ARK2N: variants seen among roughly 807,000 people sequenced by gnomAD.
ARK2N encodes arkadia (RNF111) N-terminal like PKA signaling regulator 2N.
At chr18:46,194,275 C>G in the ARK2N span, among the ~76,000 whole-genome samples, 286 of 151,244 alleles carry the variant, frequency 1.9e-3, 2 homozygotes, top group Middle Eastern at 0.021. Flanking sequence ...TGATTTTTCC[C>G]ATGTCTTTCC....
At chr18:46,259,774 G>C in the ARK2N span, among the ~76,000 whole-genome samples, 1 of 124,082 alleles carries the variant, frequency 8.1e-6, no homozygotes, top group Admixed American at 7.8e-5. Context: ...CCCAGCTACT[G>C]TGTGTGTGTG....
the ARK2N span, chr18:46,265,675 C>T: frequency 6.6e-6 from 1 of 152,524 alleles, no homozygotes. Context: ...TGTGTTTCAA[C>T]TCTCTTTTCA....
chr18:46,265,219 G>A, the ARK2N span: 1 of 152,698 alleles, frequency 6.5e-6, no homozygotes, highest in South Asian at 2.1e-4. Context: ...AGAGAATAGA[G>A]TGGATGATGT....
chr18:46,212,323 TCTC>T, the ARK2N span, among the ~76,000 whole-genome samples: 7 of 152,222 alleles, frequency 4.6e-5, no homozygotes, highest in Non-Finnish European at 8.8e-5. Context: ...CACACTGTCT[TCTC>T]CTGTTCCCTT....
At chr18:46,189,212 CAAAA>C in the ARK2N span, among the ~76,000 whole-genome samples, 30 of 86,858 alleles carry the variant, frequency 3.5e-4, no homozygotes, top group African/African-American at 4.3e-4. Context: ...GAGACTGTCT[CAAAA>C]AAAAAAAAAA....
At chr18:46,182,133 C>CT in the ARK2N span, among the ~76,000 whole-genome samples, 1 of 152,140 alleles carries the variant, frequency 6.6e-6, no homozygotes, top group African/African-American at 2.4e-5. Flanking sequence ...GATTGTTTTT[C>CT]TTTCTGTATT....
the ARK2N span, among the ~76,000 whole-genome samples, chr18:46,191,807 G>A: frequency 1.3e-3 from 192 of 152,262 alleles, 1 homozygote; most frequent in Middle Eastern, 0.031. Context: ...AAAATCCTCT[G>A]TGCTCGGCCT....
At chr18:46,226,756 G>A in the ARK2N span, among the ~76,000 whole-genome samples, 1 of 150,922 alleles carries the variant, frequency 6.6e-6, no homozygotes, top group African/African-American at 2.4e-5. Context: ...GAATTTGTAA[G>A]TTTGCTGACA....
chr18:46,197,526 GC>G, the ARK2N span, among the ~76,000 whole-genome samples: 1 of 152,108 alleles, frequency 6.6e-6, no homozygotes, highest in Non-Finnish European at 1.5e-5. Context: ...GAGCCACCAC[GC>G]CTAGCCAAAG....
chr18:46,246,755 C>T, the ARK2N span, among the ~76,000 whole-genome samples: 2 of 140,652 alleles, frequency 1.4e-5, no homozygotes, highest in Admixed American at 1.4e-4. Flanking sequence ...CCAGCCTTAC[C>T]AACATGGCCA....
chr18:46,198,468 TCTACCTTTCACCTTC>T, the ARK2N span, among the ~76,000 whole-genome samples: 1 of 152,196 alleles, frequency 6.6e-6, no homozygotes, highest in African/African-American at 2.4e-5. Context: ...ATTTTGATTC[TCTACCTTTCACCTTC>T]CTACTTTTCA....
At chr18:46,219,238 C>G in the ARK2N span, 5 of 152,036 alleles carry the variant, frequency 3.3e-5, no homozygotes, top group African/African-American at 1.2e-4. Context: ...AACTGACAGG[C>G]AGCTTAGTAT....
chr18:46,194,774 T>TTTTC, the ARK2N span, among the ~76,000 whole-genome samples: 1 of 148,992 alleles, frequency 6.7e-6, no homozygotes, highest in Non-Finnish European at 1.5e-5. Context: ...GCGACCGGAT[T>TTTTC]CTTGTTTTTA....
At chr18:46,215,651 T>C in the ARK2N span, among the ~76,000 whole-genome samples, 1 of 152,144 alleles carries the variant, frequency 6.6e-6, no homozygotes, top group Admixed American at 6.5e-5. Context: ...ATTAAGTCCT[T>C]TGAATTTGAC....
chr18:46,223,151 G>A, the ARK2N span, among the ~76,000 whole-genome samples: 3 of 152,300 alleles, frequency 2.0e-5, no homozygotes, highest in Middle Eastern at 6.8e-3. Flanking sequence ...GGAGCCATCC[G>A]ATTTCCTGTC....
At chr18:46,252,011 G>A in the ARK2N span, among the ~76,000 whole-genome samples, 2 of 151,992 alleles carry the variant, frequency 1.3e-5, no homozygotes, top group Non-Finnish European at 2.9e-5. Flanking sequence ...TGGCCAACGT[G>A]ACGAAACCCC....
At chr18:46,204,922 C>CT in the ARK2N span, among the ~76,000 whole-genome samples, 1 of 73,270 alleles carries the variant, frequency 1.4e-5, no homozygotes, top group Non-Finnish European at 3.3e-5. Flanking sequence ...CTTTTCTTTT[C>CT]TTTTTTCTTT....
the ARK2N span, among the ~76,000 whole-genome samples, chr18:46,235,152 T>C: frequency 1.3e-5 from 2 of 152,244 alleles, no homozygotes; most frequent in African/African-American, 4.8e-5. Context: ...GTAGGCAAGA[T>C]GATGCTAAAT....
the ARK2N span, among the ~76,000 whole-genome samples, chr18:46,180,160 A>G: frequency 6.6e-6 from 1 of 152,176 alleles, no homozygotes; most frequent in Non-Finnish European, 1.5e-5. Context: ...TGTCTGTTCA[A>G]AATAAGGGAC....
Sources: gnomAD v4.1 joint callset for allele counts (sites outside exome capture counted in the v4.1 genomes callset) on GRCh38, gnomAD v4.1.1 for gene constraint, MANE v1.5 for transcripts, NCBI Gene and HGNC (gene_info 2026-07-23, HGNC 2026-07-21) for gene names.